EPB41L1: variants seen among roughly 807,000 people sequenced by gnomAD.
EPB41L1 encodes band 4.1-like protein 1.
A neutral mutation model predicts 97.8 loss-of-function variants in EPB41L1; 29 were observed. The observed-to-expected ratio is 0.30, with a 90% CI of 0.22 to 0.40. The LOEUF (loss-of-function observed/expected upper bound fraction) is 0.40, where lower values mean the gene tolerates loss of function less well. Among genes scored for constraint, EPB41L1 ranks in the 10% least tolerant of loss-of-function variants. The pLI, the probability that EPB41L1 is intolerant of heterozygous loss-of-function variation, is 1.00. For synonymous variants in EPB41L1, 383 were observed against 459.2 expected (o/e 0.83, Z 2.12); for missense variants, 812 against 1,162.3 (o/e 0.70, Z 4.38).
chr20:36,116,274 T>G (rs1232131015), intron 2 of EPB41L1, among the ~76,000 whole-genome samples: 1 of 151,068 alleles, frequency 6.6e-6, no homozygotes, highest in Non-Finnish European at 1.5e-5. Flanking sequence ...CAGGAAGGTT[T>G]GGAAGAGAGA....
At chr20:36,126,017 G>A (rs563677325) in intron 2 of EPB41L1, among the ~76,000 whole-genome samples, 40 of 152,194 alleles carry the variant, frequency 2.6e-4, no homozygotes, top group South Asian at 2.1e-4. Context: ...TTCTCGATGG[G>A]GGGCTGACGA....
chr20:36,160,849 G>C (rs2060497667), intron 1 of EPB41L1, among the ~76,000 whole-genome samples: 1 of 152,080 alleles, frequency 6.6e-6, no homozygotes, highest in Admixed American at 6.5e-5. Flanking sequence ...TTTTGCAATA[G>C]GTATGTTATA....
At chr20:36,111,486 T>TA (rs1282349677) in intron 1 of EPB41L1, among the ~76,000 whole-genome samples, 1 of 152,076 alleles carries the variant, frequency 6.6e-6, no homozygotes, top group Non-Finnish European at 1.5e-5. Flanking sequence ...ATGTGAATGC[T>TA]AAAAAGACCC....
intron 1 of EPB41L1, among the ~76,000 whole-genome samples, chr20:36,172,583 G>A (rs1339250503): frequency 6.6e-6 from 1 of 152,046 alleles, no homozygotes; most frequent in Non-Finnish European, 1.5e-5. Flanking sequence ...TGTTGTTGAG[G>A]TTACTGTTTT....
chr20:36,106,759 G>T (rs2058203372), intron 1 of EPB41L1, among the ~76,000 whole-genome samples: 1 of 152,228 alleles, frequency 6.6e-6, no homozygotes, highest in Non-Finnish European at 1.5e-5. Context: ...AGCTGCAGCT[G>T]CCCTATACAG....
In EPB41L1 at chr20:36,178,771, T is replaced by C. The variant is rs1600768044; in HGVS notation, c.490+99T>C. 3.8e-6 allele frequency: 5 copies of C among 1,331,176 alleles called. No homozygotes were observed. The East Asian group carries it at 1.1e-4, about 31-fold the overall frequency. The allele number at this position is 1,331,176 out of a possible 1,614,324, so 82.5% of individuals were successfully genotyped here. ...CTCTCTCCTCCTTTGGAAAGTGCAT[T>C]TCAGGCCAGGCGTTGTGGCTCATCC... is the stretch of plus-strand genomic sequence containing the variant. On this transcript the variant is annotated intron_variant, in intron 5 of 21. Coordinates refer to ENST00000338074, the MANE Select transcript of EPB41L1 (RefSeq NM_012156.2).
At chr20:36,127,149 C>G (rs2147723981) in intron 2 of EPB41L1, among the ~76,000 whole-genome samples, 1 of 152,326 alleles carries the variant, frequency 6.6e-6, no homozygotes, top group South Asian at 2.1e-4. Context: ...CTGAGATGAG[C>G]TCAGAGATAT....
At chr20:36,211,105 C>A (rs2063105065) in intron 15 of EPB41L1, among the ~76,000 whole-genome samples, 1 of 151,858 alleles carries the variant, frequency 6.6e-6, no homozygotes, top group African/African-American at 2.4e-5. Context: ...AAAAAAAAAT[C>A]TCCAGGCACA....
chr20:36,203,071 G>A (rs916300513), intron 14 of EPB41L1, among the ~76,000 whole-genome samples: 9 of 152,190 alleles, frequency 5.9e-5, no homozygotes, highest in East Asian at 1.9e-4. Context: ...GAATGGCTGC[G>A]GGGCTGCGGC....
intron 2 of EPB41L1, among the ~76,000 whole-genome samples, chr20:36,123,906 C>T (rs892404286): frequency 3.3e-5 from 5 of 152,188 alleles, no homozygotes; most frequent in Non-Finnish European, 7.3e-5. Flanking sequence ...CATACACCAT[C>T]TATATTCCCA....
Position 36,206,990 on chromosome 20 carries a change from C to G in EPB41L1, c.1669-2498C>G. On this transcript the variant is annotated intron_variant, in intron 14 of 21. Coordinates refer to ENST00000338074, the MANE Select transcript of EPB41L1 (RefSeq NM_012156.2). This position sits in a 1 kb window ranked among gnomAD's most constrained non-coding sequence, Gnocchi z 5.5. Reference sequence around the variant, plus strand: ...AAACCAGACAGAGGCAACTTCCCACCCAAAGAGAGGGGAGTGGTTCCCACC... The same window carrying G: ...AAACCAGACAGAGGCAACTTCCCACGCAAAGAGAGGGGAGTGGTTCCCACC... The G allele has an allele frequency of 7.8e-7, 1 of 1,289,934 alleles. No homozygotes were observed. The highest frequency in any genetic ancestry group is 1.2e-5 in the South Asian group (1 of 81,032). 79.9% of individuals were successfully genotyped at this position (1,289,934 alleles called of 1,614,324 possible). A position where few individuals can be genotyped will look rare whatever the true frequency, so the allele number is the denominator to read the frequency against.
chr20:36,219,944 AG>A (rs1351246704), intron 19 of EPB41L1, 100 bp downstream of exon 19: 3 of 1,050,132 alleles, frequency 2.9e-6, no homozygotes, highest in Admixed American at 3.8e-5. Context: ...AAGTGGACAG[AG>A]AAAACCTGTA....
At chr20:36,189,180 C>A in intron 9 of EPB41L1, among the ~76,000 whole-genome samples, 1 of 152,164 alleles carries the variant, frequency 6.6e-6, no homozygotes, top group Non-Finnish European at 1.5e-5. Flanking sequence ...CCATCACACC[C>A]GCCTCCAGCA....
chr20:36,179,749 C>T (rs190660484), intron 5 of EPB41L1, among the ~76,000 whole-genome samples: 1 of 152,336 alleles, frequency 6.6e-6, no homozygotes, highest in East Asian at 1.9e-4. Context: ...ACCATGACAG[C>T]GGGCAGCTGG....
At chr20:36,182,142 A>T in intron 5 of EPB41L1, 130 bp from the exon 6 acceptor site, 1 of 810,092 alleles carries the variant, frequency 1.2e-6, no homozygotes, top group Non-Finnish European at 2.1e-6. Flanking sequence ...ATAATGTTCC[A>T]GCCTTCCTGA....
At chr20:36,168,419 T>G (rs1204747849) in intron 1 of EPB41L1, among the ~76,000 whole-genome samples, 1 of 152,184 alleles carries the variant, frequency 6.6e-6, no homozygotes. Context: ...TTGTTGTGGG[T>G]GGACACTTCT....
intron 9 of EPB41L1, 137 bp downstream of exon 9, chr20:36,188,636 A>G: frequency 1.8e-6 from 1 of 567,874 alleles, no homozygotes; most frequent in South Asian, 2.4e-5. Context: ...ACACACACAC[A>G]CACACAGAGA....
At chr20:36,188,252 C>T (rs1291715221) in intron 8 of EPB41L1, 95 bp from the exon 9 acceptor site, 1 of 1,550,252 alleles carries the variant, frequency 6.5e-7, no homozygotes, top group Admixed American at 1.7e-5. Context: ...GAGCTCGTTA[C>T]AAGCAGCGCA....
At chr20:36,102,302 T>G (rs1337418527) in intron 1 of EPB41L1, among the ~76,000 whole-genome samples, 1 of 152,070 alleles carries the variant, frequency 6.6e-6, no homozygotes, top group Non-Finnish European at 1.5e-5. Flanking sequence ...TAGGAGAGGA[T>G]CCACAGGCAC....
Sources: gnomAD v4.1 joint callset for allele counts (sites outside exome capture counted in the v4.1 genomes callset) on GRCh38, gnomAD v4.1.1 for gene constraint, Gnocchi (gnomAD v3.1) non-coding constraint, MANE v1.5 for transcripts, NCBI Gene and HGNC (gene_info 2026-07-23, HGNC 2026-07-21) for gene names.